MAMDC2: variants seen among roughly 807,000 people sequenced by gnomAD.
MAMDC2 encodes the protein MAM domain-containing protein 2.
Under a neutral mutation model 89.8 loss-of-function variants are expected in MAMDC2, and 57 were observed. The ratio of observed to expected loss-of-function variants is 0.63; its 90% confidence interval spans 0.51 to 0.79. The LOEUF (loss-of-function observed/expected upper bound fraction) is 0.79, where lower values mean the gene tolerates loss of function less well. Ranked by LOEUF, MAMDC2 falls within the 30% of genes least tolerant of loss-of-function variation. MAMDC2 has a pLI of 0.00. For missense variants in MAMDC2, 800 were observed against 820.6 expected (o/e 0.97, Z 0.31); for synonymous variants, 313 against 293.4 (o/e 1.07, Z -0.68).
intron 9 of MAMDC2, among the ~76,000 whole-genome samples, chr9:70,144,798 T>G (rs2031344372): frequency 6.6e-6 from 1 of 152,140 alleles, no homozygotes; most frequent in Admixed American, 6.5e-5. Flanking sequence ...GCACAGACAT[T>G]CATAGCCCGA....
rs1419739479 is a variant in MAMDC2 at position 70,055,704 on chromosome 9, C to A, written c.148+11007C>A. Among the ~76,000 whole-genome samples, 6 of 152,186 alleles carry A rather than the reference C, an allele frequency of 3.9e-5. 1 individual carries two copies. Among genetic ancestry groups the A allele is most frequent in the Admixed American group, 1.3e-4 (2 of 15,272 alleles). ...AGAGAAATGTAGTTTTTACTAATTT[C>A]TTTTCCATAACAGATTAGAGTTTGC... On this transcript the variant is annotated intron_variant, in intron 2 of 13. Transcript: ENST00000377182.
intron 7 of MAMDC2, among the ~76,000 whole-genome samples, chr9:70,138,806 A>G (rs2031094431): frequency 6.6e-6 from 1 of 152,126 alleles, no homozygotes; most frequent in South Asian, 2.1e-4. Context: ...CAATAGCAGT[A>G]CCCATGACAG....
At chr9:70,132,932 G>A (rs2030864578) in intron 7 of MAMDC2, among the ~76,000 whole-genome samples, 2 of 152,122 alleles carry the variant, frequency 1.3e-5, no homozygotes, top group South Asian at 2.1e-4. Context: ...TTAAAAGGTT[G>A]TAAAACAGAT....
chr9:70,050,024 G>T (rs1291343394), intron 2 of MAMDC2, among the ~76,000 whole-genome samples: 3 of 152,150 alleles, frequency 2.0e-5, no homozygotes, highest in Non-Finnish European at 1.5e-5. Context: ...TCCACTCTGG[G>T]TTCTAAACTC....
chr9:70,070,804 T>C (rs919194522), intron 2 of MAMDC2, among the ~76,000 whole-genome samples: 3 of 152,190 alleles, frequency 2.0e-5, no homozygotes, highest in Non-Finnish European at 4.4e-5. Flanking sequence ...TTTTCCTACA[T>C]ATATTCTATA....
intron 11 of MAMDC2, among the ~76,000 whole-genome samples, chr9:70,211,504 GTTTA>G (rs2033353336): frequency 6.6e-6 from 1 of 152,098 alleles, no homozygotes; most frequent in Admixed American, 6.5e-5. Context: ...TCTCTATACT[GTTTA>G]TTCTAGTTAG....
chr9:70,087,573 C>CAA (rs1035618348), intron 2 of MAMDC2: 1 of 152,120 alleles, frequency 6.6e-6, no homozygotes, highest in African/African-American at 2.4e-5. Flanking sequence ...CTGGACCAAT[C>CAA]ACTGTGGCAA....
At chr9:70,158,251 C>A (rs2031837812) in intron 9 of MAMDC2, among the ~76,000 whole-genome samples, 1 of 152,048 alleles carries the variant, frequency 6.6e-6, no homozygotes, top group Non-Finnish European at 1.5e-5. Flanking sequence ...CACACCCAGC[C>A]AAAGAAATCT....
chr9:70,159,901 C>T (rs1449205585), intron 9 of MAMDC2, among the ~76,000 whole-genome samples: 2 of 152,016 alleles, frequency 1.3e-5, no homozygotes, highest in Non-Finnish European at 2.9e-5. Flanking sequence ...TCACAGGCAG[C>T]CCGGAGGCCT....
chr9:70,179,510 C>T (rs1212519031), intron 11 of MAMDC2, among the ~76,000 whole-genome samples: 3 of 140,926 alleles, frequency 2.1e-5, no homozygotes, highest in Non-Finnish European at 4.5e-5. Context: ...GGCAACAGAG[C>T]AAGACTCCGT....
chr9:70,120,740 C>T (rs1056920453), intron 5 of MAMDC2, among the ~76,000 whole-genome samples: 2 of 152,122 alleles, frequency 1.3e-5, no homozygotes, highest in Non-Finnish European at 2.9e-5. Context: ...TAGGAGAAGT[C>T]TCACGTAATA....
chr9:70,107,503 C>T lies in MAMDC2; in HGVS notation c.149-708C>T, dbSNP rs371711372. ...GGACAATTGCTAGTCCCAGAGTGTC[C>T]AGTGCTTTCCCAGCCCTGTGCTACA... On this transcript the variant is annotated intron_variant, in intron 2 of 13. Transcript: ENST00000377182. Among the ~76,000 whole-genome samples the T allele has an allele frequency of 2.0e-4, 30 of 152,250 alleles. 2 individuals carry two copies. Among genetic ancestry groups the T allele is most frequent in the African/African-American group, 7.0e-4 (29 of 41,554 alleles).
chr9:70,158,544 G>T (rs1382346684), intron 9 of MAMDC2, among the ~76,000 whole-genome samples: 1 of 151,172 alleles, frequency 6.6e-6, no homozygotes, highest in African/African-American at 2.4e-5. Flanking sequence ...CTAAGTGAAA[G>T]ATTTATTTTT....
In MAMDC2 at chr9:70,141,522, CA is replaced by C. The variant is rs1383858489; in HGVS notation, c.1138+1235del. Among the ~76,000 whole-genome samples the C allele has an allele frequency of 3.3e-5, 5 of 152,290 alleles. No homozygotes were observed. In the East Asian group the frequency reaches 9.6e-4, roughly 29 times the overall value. On this transcript the variant is annotated intron_variant, in intron 8 of 13. Coordinates refer to ENST00000377182, the MANE Select transcript of MAMDC2 (RefSeq NM_153267.5). ...AAGCACAGGTTGTGGTAAGTGCTGT[CA>C]GGGAGGAAAAACTTTTCCTCTACCC... is the stretch of plus-strand genomic sequence containing the variant.
chr9:70,067,821 A>G (rs953909922), intron 2 of MAMDC2, among the ~76,000 whole-genome samples: 1 of 152,192 alleles, frequency 6.6e-6, no homozygotes, highest in African/African-American at 2.4e-5. Context: ...AGTATGGCCC[A>G]CCAGTGTGGT....
chr9:70,185,582 C>A (rs1275038341), intron 11 of MAMDC2, among the ~76,000 whole-genome samples: 1 of 152,174 alleles, frequency 6.6e-6, no homozygotes, highest in Non-Finnish European at 1.5e-5. Flanking sequence ...AGATCCTGCC[C>A]AGTGAGGAGT....
intron 9 of MAMDC2, among the ~76,000 whole-genome samples, chr9:70,148,359 T>C (rs780111635): frequency 6.7e-6 from 1 of 150,300 alleles, no homozygotes; most frequent in Non-Finnish European, 1.5e-5. Context: ...CTCCATCATC[T>C]TGGAGACAGC....
intron 11 of MAMDC2, among the ~76,000 whole-genome samples, chr9:70,210,990 A>G (rs10868711): frequency 0.92 from 139,846 of 151,652 alleles, 64,554 homozygotes; most frequent in East Asian, 0.98. Flanking sequence ...AGTTTCTGCC[A>G]AGAGATCAGC....
intron 4 of MAMDC2, among the ~76,000 whole-genome samples, chr9:70,110,417 G>A (rs1310823586): frequency 6.6e-6 from 1 of 152,208 alleles, no homozygotes; most frequent in Non-Finnish European, 1.5e-5. Context: ...GAGGAGGAGA[G>A]GAAATTGGAG....
Sources: allele counts gnomAD v4.1 joint callset (sites outside exome capture counted in the v4.1 genomes callset), GRCh38; gene constraint gnomAD v4.1.1; transcripts MANE v1.5; gene names NCBI Gene and HGNC (gene_info 2026-07-23, HGNC 2026-07-21).